The following MALRD1 variants were observed in gnomAD, a reference collection of about 807,000 sequenced individuals.
The protein encoded by MALRD1 is MAM and LDL-receptor class A domain-containing protein 1.
Under a neutral mutation model 242.1 loss-of-function variants are expected in MALRD1, and 247 were observed. That is an observed-to-expected ratio of 1.02 (90% CI 0.92 to 1.13). The LOEUF (loss-of-function observed/expected upper bound fraction) is 1.13. Among genes scored for constraint, MALRD1 ranks in the 50% most tolerant of loss-of-function variants. The pLI is 0.00. For synonymous variants in MALRD1, 995 were observed against 866.6 expected, an observed-to-expected ratio of 1.15 and a Z score of -2.60; for missense variants, 2,989 against 2,533.1, an observed-to-expected ratio of 1.18 and a Z score of -3.86.
intron 26 of MALRD1, among the ~76,000 whole-genome samples, chr10:19,371,074 G>A (rs1845351052): frequency 7.2e-6 from 1 of 139,482 alleles, no homozygotes; most frequent in South Asian, 2.3e-4. Flanking sequence ...ACATAGTGAG[G>A]CCCTCTCTCT....
intron 4 of MALRD1, 121 bp downstream of exon 4, chr10:19,088,306 G>C: frequency 1.1e-6 from 1 of 913,270 alleles, no homozygotes; most frequent in Non-Finnish European, 1.4e-6. Context: ...GGATTTCCCA[G>C]GACTTTCAAA....
chr10:19,551,277 T>C lies in MALRD1; in HGVS notation c.5479-16225T>C, dbSNP rs1835457950. ...CTGATATTTTTGTCATCTCCCATAT[T>C]TTTCAGCACTGTCTTGTAATTTTCA... On this transcript the variant is annotated intron_variant, in intron 32 of 39. Transcript: ENST00000454679. Among the ~76,000 whole-genome samples the C allele has an allele frequency of 2.0e-5, 3 of 152,104 alleles. No individual in the cohort carries two copies. The South Asian group carries it at 6.2e-4, about 32-fold the overall frequency.
chr10:19,675,362 A>G (rs1842096032), intron 36 of MALRD1, among the ~76,000 whole-genome samples: 1 of 152,162 alleles, frequency 6.6e-6, no homozygotes, highest in South Asian at 2.1e-4. Context: ...CCGTGAATTT[A>G]CTACTTACAA....
intron 29 of MALRD1, among the ~76,000 whole-genome samples, chr10:19,450,973 A>G (rs1040493353): frequency 6.6e-6 from 1 of 152,156 alleles, no homozygotes; most frequent in Non-Finnish European, 1.5e-5. Flanking sequence ...CCATCTCTGG[A>G]CACTATCACC....
At chr10:19,378,120 G>A (rs566295735) in intron 26 of MALRD1, among the ~76,000 whole-genome samples, 1 of 152,182 alleles carries the variant, frequency 6.6e-6, no homozygotes, top group African/African-American at 2.4e-5. Flanking sequence ...CTCTAAACTT[G>A]ACACTTCTAG....
intron 23 of MALRD1, among the ~76,000 whole-genome samples, chr10:19,327,944 A>G (rs144490211): frequency 6.4e-4 from 98 of 152,274 alleles, no homozygotes; most frequent in African/African-American, 2.3e-3. Flanking sequence ...TCAGCCTCAC[A>G]CGTATAAGGA....
chr10:19,257,133 G>A (rs1839549088), intron 18 of MALRD1, among the ~76,000 whole-genome samples: 1 of 152,046 alleles, frequency 6.6e-6, no homozygotes, highest in Admixed American at 6.6e-5. Flanking sequence ...AGTTCACTGT[G>A]ATTAATGTGG....
chr10:19,498,922 T>C (rs1021611371), intron 31 of MALRD1, among the ~76,000 whole-genome samples: 43 of 152,166 alleles, frequency 2.8e-4, no homozygotes, highest in African/African-American at 9.6e-4. Context: ...AATTCCCTAA[T>C]TGGAGGAGGG....
At chr10:19,441,601 C>T (rs1309311445) in intron 28 of MALRD1, among the ~76,000 whole-genome samples, 1 of 150,578 alleles carries the variant, frequency 6.6e-6, no homozygotes, top group Non-Finnish European at 1.5e-5. Flanking sequence ...ATAGGGAATC[C>T]TTCTAGTTTT....
intron 36 of MALRD1, among the ~76,000 whole-genome samples, chr10:19,683,479 A>G (rs545179555): frequency 2.0e-5 from 3 of 152,340 alleles, no homozygotes; most frequent in African/African-American, 7.2e-5. Context: ...GTTCGTAAAT[A>G]GGAAACTGAA....
At chr10:19,607,456 T>C (rs1187830369) in intron 34 of MALRD1, among the ~76,000 whole-genome samples, 2 of 152,122 alleles carry the variant, frequency 1.3e-5, no homozygotes, top group African/African-American at 4.8e-5. Flanking sequence ...CTTTGTTACC[T>C]TCTTAAAGCT....
chr10:19,306,669 C>G (rs1319263202), intron 21 of MALRD1, among the ~76,000 whole-genome samples: 1 of 150,936 alleles, frequency 6.6e-6, no homozygotes, highest in Non-Finnish European at 1.5e-5. Flanking sequence ...TAAAGACATA[C>G]CCAGGACTCA....
intron 38 of MALRD1, among the ~76,000 whole-genome samples, chr10:19,699,036 T>C (rs1185210116): frequency 2.6e-5 from 4 of 151,694 alleles, no homozygotes; most frequent in African/African-American, 9.7e-5. Flanking sequence ...CACCGGGGCC[T>C]GTTGGGGGGT....
At chr10:19,348,053 C>A in intron 25 of MALRD1, 35 bp downstream of exon 25, 1 of 1,539,452 alleles carries the variant, frequency 6.5e-7, no homozygotes. Flanking sequence ...ACCAAACAAA[C>A]ACAGAATTAT....
rs74121461 is a variant in MALRD1 at position 19,283,688 on chromosome 10, A to G, written c.3419+507A>G. On this transcript the variant is annotated intron_variant, in intron 21 of 39. Transcript: ENST00000454679. ...TCAACATAGGTGAAAAGATTTTTCC[A>G]CTTCTCAATAAATCATGCCATTAAA... Among the ~76,000 whole-genome samples the G allele has an allele frequency of 2.9e-3, 435 of 152,264 alleles. 4 individuals are homozygous for G. The highest frequency in any genetic ancestry group is 0.01 in the African/African-American group (417 of 41,546).
chr10:19,702,563 A>G (rs568071753), intron 38 of MALRD1, among the ~76,000 whole-genome samples: 1 of 152,322 alleles, frequency 6.6e-6, no homozygotes, highest in East Asian at 1.9e-4. Flanking sequence ...ATGATTGCCG[A>G]AGATTATCTA....
At chr10:19,321,751 C>A (rs940560864) in intron 21 of MALRD1, among the ~76,000 whole-genome samples, 5 of 151,922 alleles carry the variant, frequency 3.3e-5, no homozygotes, top group Non-Finnish European at 5.9e-5. Context: ...ATGTTTGCAC[C>A]CATTAATCAA....
At chr10:19,522,442 G>A (rs947785455) in intron 31 of MALRD1, among the ~76,000 whole-genome samples, 5 of 152,072 alleles carry the variant, frequency 3.3e-5, no homozygotes, top group Admixed American at 2.6e-4. Context: ...GTAGGTGTCA[G>A]AAGGTAACAT....
chr10:19,578,701 GGT>G (rs1836952449), intron 33 of MALRD1, among the ~76,000 whole-genome samples: 1 of 148,128 alleles, frequency 6.8e-6, no homozygotes. Flanking sequence ...CTCATGGCTG[GGT>G]TTTTTTTTTT....
Sources: allele counts gnomAD v4.1 joint callset (sites outside exome capture counted in the v4.1 genomes callset), GRCh38; gene constraint gnomAD v4.1.1; transcripts MANE v1.5; gene names NCBI Gene and HGNC (gene_info 2026-07-23, HGNC 2026-07-21).